The following MYOM2 variants were observed in gnomAD, a reference collection of about 807,000 sequenced individuals.
MYOM2 encodes myomesin 2, also known as myomesin-2.
In MYOM2, 254 loss-of-function variants were observed where a neutral mutation model predicts 187.6. The ratio of observed to expected loss-of-function variants is 1.35; its 90% CI spans 1.22 to 1.50. The LOEUF is 1.50. MYOM2 is among the 40% of genes most tolerant of loss of function. MYOM2 has a pLI of 0.00. For missense variants in MYOM2, 2,796 were observed against 1,924.0 expected, an observed-to-expected ratio of 1.45 and a Z score of -8.48; for synonymous variants, 981 against 753.8, an observed-to-expected ratio of 1.30 and a Z score of -4.94.
At chr8:2,050,579 AG>A (rs1818449513) in intron 1 of MYOM2, among the ~76,000 whole-genome samples, 175 bp from the exon 2 acceptor site, 2 of 152,240 alleles carry the variant, frequency 1.3e-5, no homozygotes, top group African/African-American at 4.8e-5. Flanking sequence ...GGAAGTTAAT[AG>A]GCTTCCTGAC....
At chr8:2,129,766 A>T (rs925501843) in intron 32 of MYOM2, among the ~76,000 whole-genome samples, 1 of 152,196 alleles carries the variant, frequency 6.6e-6, no homozygotes, top group Non-Finnish European at 1.5e-5. Flanking sequence ...TGCAACCCAT[A>T]GCACTGGGCA....
chr8:2,054,268 C>T (rs992274748), intron 3 of MYOM2, among the ~76,000 whole-genome samples: 8 of 152,136 alleles, frequency 5.3e-5, no homozygotes, highest in East Asian at 3.9e-4. Context: ...GAGACATTGG[C>T]GCTCTGAAGG....
At chr8:2,098,631 A>C (rs961630142) in intron 18 of MYOM2, among the ~76,000 whole-genome samples, 4 of 152,158 alleles carry the variant, frequency 2.6e-5, no homozygotes, top group Non-Finnish European at 2.9e-5. Flanking sequence ...GGACTCAATC[A>C]CTTTGGGAAA....
intron 14 of MYOM2, among the ~76,000 whole-genome samples, chr8:2,087,456 A>G (rs898603512): frequency 6.6e-6 from 1 of 152,188 alleles, no homozygotes; most frequent in African/African-American, 2.4e-5. Flanking sequence ...AAAGCATTAC[A>G]TCATTAATTC....
chr8:2,062,186 C>G (rs186143209), intron 6 of MYOM2, among the ~76,000 whole-genome samples: 34 of 152,114 alleles, frequency 2.2e-4, no homozygotes. Flanking sequence ...AGCCAGTGGC[C>G]CTGCAGATCA....
chr8:2,058,475 G>A (rs4875923), intron 5 of MYOM2, among the ~76,000 whole-genome samples: 1 of 152,042 alleles, frequency 6.6e-6, no homozygotes, highest in Non-Finnish European at 1.5e-5. Context: ...AAAGTTTTGG[G>A]ACTGCAGATC....
intron 2 of MYOM2, among the ~76,000 whole-genome samples, chr8:2,051,591 C>G (rs1818489355): frequency 6.6e-6 from 1 of 152,204 alleles, no homozygotes; most frequent in South Asian, 2.1e-4. Flanking sequence ...TCCCTTGTGC[C>G]AAACAAAGCC....
chr8:2,125,690 C>T (rs1338149632), intron 31 of MYOM2, among the ~76,000 whole-genome samples: 1 of 144,328 alleles, frequency 6.9e-6, no homozygotes, highest in Non-Finnish European at 1.5e-5. Context: ...TCACTGCAAC[C>T]TCCATCTCCT....
At chr8:2,118,342 TA>T (rs1456761415) in intron 28 of MYOM2, among the ~76,000 whole-genome samples, 2 of 152,224 alleles carry the variant, frequency 1.3e-5, no homozygotes. Flanking sequence ...CAGTTTCGTT[TA>T]ACAATGTAGT....
At chr8:2,143,208 C>G (rs1049643072) in intron 35 of MYOM2, 193 bp from the exon 36 acceptor site, 3 of 661,900 alleles carry the variant, frequency 4.5e-6, no homozygotes, top group African/African-American at 3.6e-5. Context: ...CTGTTATCTC[C>G]TCATCTACCT....
intron 8 of MYOM2, among the ~76,000 whole-genome samples, chr8:2,072,074 C>T (rs982522773): frequency 1.3e-5 from 2 of 152,160 alleles, no homozygotes; most frequent in Admixed American, 6.5e-5. Context: ...TGCTGTGGGG[C>T]GGTGACAAAG....
In MYOM2 at chr8:2,144,841, A is replaced by G. The variant is rs746940674; in HGVS notation, c.4258A>G (p.Ile1420Val). Reference protein sequence around the residue: ...SEDSGKYSINIKNKYGGEKID... With the variant: ...SEDSGKYSINVKNKYGGEKID... Reference sequence around the variant, plus strand: ...GGACTCGGGCAAGTACAGCATCAACATCAAGAATAAGTATGGCGGGGAGAA... The same window carrying G: ...GGACTCGGGCAAGTACAGCATCAACGTCAAGAATAAGTATGGCGGGGAGAA... The change falls in exon 37 of 37, where the codon ATC becomes GTC. Residue 1420 changes from isoleucine (I) to valine (V), a missense_variant. Ile to Val is a conservative substitution (Grantham distance 29, BLOSUM62 3). Transcript: ENST00000262113. 5.0e-6 allele frequency: 8 copies of G among 1,614,142 alleles called. No homozygotes were observed. The highest frequency in any genetic ancestry group is 6.8e-6 in the Non-Finnish European group (8 of 1,180,032).
intron 2 of MYOM2, among the ~76,000 whole-genome samples, chr8:2,051,699 G>A (rs946145466): frequency 6.6e-6 from 1 of 152,212 alleles, no homozygotes; most frequent in African/African-American, 2.4e-5. Flanking sequence ...GGCCGGCACT[G>A]GCTGGCTCTG....
intron 32 of MYOM2, among the ~76,000 whole-genome samples, chr8:2,137,040 C>T (rs1248939869): frequency 1.3e-5 from 2 of 151,892 alleles, no homozygotes; most frequent in East Asian, 3.9e-4. Context: ...AATTTTACCC[C>T]ACGGAAGAAT....
At chr8:2,058,012 T>G (rs1404986225) in intron 5 of MYOM2, among the ~76,000 whole-genome samples, 4 of 36,562 alleles carry the variant, frequency 1.1e-4, no homozygotes, top group South Asian at 1.6e-3. Flanking sequence ...TTTTTTTTTT[T>G]TTTTTTTTTT....
intron 13 of MYOM2, among the ~76,000 whole-genome samples, chr8:2,080,016 AT>A (rs1197673511): frequency 2.0e-5 from 3 of 152,230 alleles, no homozygotes; most frequent in Non-Finnish European, 4.4e-5. Context: ...TATTCCTGAC[AT>A]TTTAACTGAA....
At chr8:2,075,033 C>T (rs1268761242) in intron 10 of MYOM2, among the ~76,000 whole-genome samples, 2 of 152,264 alleles carry the variant, frequency 1.3e-5, no homozygotes, top group African/African-American at 2.4e-5. Flanking sequence ...CGCATCCATA[C>T]ATCTTCATGA....
At chr8:2,090,721 T>C (rs1429215514) in intron 15 of MYOM2, among the ~76,000 whole-genome samples, 2 of 152,206 alleles carry the variant, frequency 1.3e-5, no homozygotes, top group Non-Finnish European at 2.9e-5. Context: ...CATTTGGTAT[T>C]TGGTTTTCTG....
At chr8:2,084,458 T>TTAA in intron 13 of MYOM2, among the ~76,000 whole-genome samples, 1 of 152,306 alleles carries the variant, frequency 6.6e-6, no homozygotes, top group East Asian at 1.9e-4. Context: ...TCAGACCGTT[T>TTAA]TAATCATGTG....
Sources: gnomAD v4.1 joint callset for allele counts (sites outside exome capture counted in the v4.1 genomes callset) on GRCh38, gnomAD v4.1.1 for gene constraint, MANE v1.5 for transcripts, NCBI Gene and HGNC (gene_info 2026-07-23, HGNC 2026-07-21) for gene names.